Variants in LYZL2 observed in about 807,000 individuals in gnomAD.
The protein encoded by LYZL2 is lysozyme-like protein 2.
LYZL2 carries 13 observed loss-of-function variants against 17.1 expected under a neutral mutation model. The observed-to-expected ratio is 0.76, with a 90% CI of 0.49 to 1.21. The LOEUF (loss-of-function observed/expected upper bound fraction) is 1.21. LYZL2 is among the 50% of genes most tolerant of loss of function. The pLI, the probability that LYZL2 is intolerant of heterozygous loss-of-function variation, is 0.00. For missense variants in LYZL2, 166 were observed against 189.2 expected (o/e 0.88, Z 0.72); for synonymous variants, 63 against 74.4 (o/e 0.85, Z 0.79).
intron 1 of LYZL2, among the ~76,000 whole-genome samples, chr10:30,628,089 G>A (rs970044014): frequency 6.6e-6 from 1 of 152,136 alleles, no homozygotes; most frequent in Non-Finnish European, 1.5e-5. Context: ...GAACCCAGGA[G>A]GCTGAGCTTG....
chr10:30,628,066 A>G (rs957870053), intron 1 of LYZL2, among the ~76,000 whole-genome samples: 12 of 152,174 alleles, frequency 7.9e-5, no homozygotes, highest in African/African-American at 2.4e-4. Flanking sequence ...AGGCTGAGGC[A>G]GGAGAATGGC....
Position 30,629,698 on chromosome 10 carries a change from T to A in LYZL2, c.-131A>T. ...CGGTGACAGGCAGCTCAGGGGAGCG[T>A]CCTGCATCCCCTGAAGCCATGTCTG... On this transcript the variant is annotated 5_prime_UTR_variant, in exon 1 of 5. Transcript: ENST00000647634. 6.2e-7 allele frequency: 1 copy of A among 1,611,628 alleles called. No individual in the cohort carries two copies. Among genetic ancestry groups the A allele is most frequent in the African/African-American group, 1.3e-5 (1 of 74,992 alleles).
intron 3 of LYZL2, among the ~76,000 whole-genome samples, chr10:30,619,378 G>T (rs1053008967): frequency 1.3e-5 from 2 of 152,102 alleles, no homozygotes; most frequent in Non-Finnish European, 2.9e-5. Context: ...ACATGCACAC[G>T]TATGTTTATT....
chr10:30,619,073 A>G (rs1435154293), intron 3 of LYZL2, among the ~76,000 whole-genome samples: 2 of 152,284 alleles, frequency 1.3e-5, no homozygotes, highest in African/African-American at 4.8e-5. Flanking sequence ...GACACATGAA[A>G]AAATGCTCAT....
chr10:30,611,583 G>GAA (rs1307133711), downstream of LYZL2, among the ~76,000 whole-genome samples: 360 of 114,356 alleles, frequency 3.1e-3, 1 homozygote, highest in African/African-American at 0.013. Context: ...AAGAAAGAAA[G>GAA]AAAGAAAGAA....
downstream of LYZL2, among the ~76,000 whole-genome samples, chr10:30,610,033 T>A (rs182334469): frequency 4.1e-4 from 62 of 152,240 alleles, no homozygotes; most frequent in African/African-American, 1.4e-3. Context: ...GGGTATCCAA[T>A]CTTTTGACTT....
downstream of LYZL2, among the ~76,000 whole-genome samples, chr10:30,609,588 C>G (rs76795722): frequency 3.7e-3 from 568 of 152,278 alleles, 2 homozygotes; most frequent in African/African-American, 0.012. Flanking sequence ...AGAGCTGAGT[C>G]CCCACAGAAA....
intron 3 of LYZL2, among the ~76,000 whole-genome samples, chr10:30,615,594 T>A (rs539741405): frequency 2.0e-5 from 3 of 152,330 alleles, no homozygotes; most frequent in African/African-American, 7.2e-5. Flanking sequence ...TGTGAGGTAA[T>A]GTTAAACTCA....
At chr10:30,618,662 T>C (rs565927791) in intron 3 of LYZL2, among the ~76,000 whole-genome samples, 64 of 152,326 alleles carry the variant, frequency 4.2e-4, no homozygotes, top group African/African-American at 1.4e-3. Context: ...TTACACCTTA[T>C]ACAAAAATTA....
intron 3 of LYZL2, among the ~76,000 whole-genome samples, chr10:30,622,706 A>T (rs1838644652): frequency 6.6e-6 from 1 of 152,218 alleles, no homozygotes; most frequent in African/African-American, 2.4e-5. Flanking sequence ...ATTCATTTAT[A>T]TACTTTCTAT....
chr10:30,616,190 T>A (rs567341564), intron 3 of LYZL2, among the ~76,000 whole-genome samples: 9 of 152,334 alleles, frequency 5.9e-5, no homozygotes, highest in African/African-American at 2.2e-4. Context: ...CACTAGAAGA[T>A]AAACGTAGTG....
rs1564410277 is a variant in LYZL2 at position 30,626,157 on chromosome 10, C to T, written c.246G>A (p.Trp82Ter). Residue 82 changes from tryptophan (W) to a stop codon, truncating the protein, a stop_gained, in exon 3 of 5, where the codon TGG (tryptophan) becomes TGA (stop). Transcript: ENST00000647634. LOFTEE classifies it high-confidence loss of function. ...TCTCCTTCAGCTTTCCGCGTCTGCA[C>T]CACGCGAAGCTGTTGATCTGGAAGA... ...YGIFQINSFA[W>*]CRRGKLKENN... The T allele has an allele frequency of 1.2e-6, 2 of 1,614,144 alleles. No individual in the cohort carries two copies. The highest frequency in any genetic ancestry group is 1.7e-6 in the Non-Finnish European group (2 of 1,180,062).
chr10:30,613,225 G>T (rs78057531), intron 3 of LYZL2, among the ~76,000 whole-genome samples: 1 of 152,128 alleles, frequency 6.6e-6, no homozygotes, highest in Admixed American at 6.5e-5. Flanking sequence ...CAGGCCGGGC[G>T]TGGTGGCTGA....
downstream of LYZL2, among the ~76,000 whole-genome samples, chr10:30,609,223 T>G (rs866174891): frequency 3.9e-5 from 6 of 152,178 alleles, no homozygotes; most frequent in African/African-American, 1.4e-4. Context: ...AAAGACATGG[T>G]CTAGGCCTCA....
chr10:30,610,566 G>A (rs1838420065), downstream of LYZL2, among the ~76,000 whole-genome samples: 1 of 152,092 alleles, frequency 6.6e-6, no homozygotes, highest in Non-Finnish European at 1.5e-5. Context: ...AAAGGAGACG[G>A]AGAGCATTAG....
At chr10:30,617,560 A>G (rs990463522) in intron 3 of LYZL2, among the ~76,000 whole-genome samples, 1 of 151,166 alleles carries the variant, frequency 6.6e-6, no homozygotes, top group Non-Finnish European at 1.5e-5. Flanking sequence ...CTGTAATCCC[A>G]GCTACTCCAG....
intron 3 of LYZL2, among the ~76,000 whole-genome samples, chr10:30,623,165 G>C (rs1270958013): frequency 6.6e-6 from 1 of 151,946 alleles, no homozygotes; most frequent in Admixed American, 6.6e-5. Context: ...GAGACTGAAA[G>C]GTGAAATAGA....
Position 30,612,038 on chromosome 10 carries a change from G to C in LYZL2, c.378-14C>G. 6.2e-7 allele frequency: 1 copy of C among 1,613,454 alleles called. No individual in the cohort carries two copies. Among genetic ancestry groups the C allele is most frequent in the Non-Finnish European group, 8.5e-7 (1 of 1,179,566 alleles). ...TTCCAGCCTTGCCTGAGGACGAGAG[G>C]GAAGCAAGAGCAGCAGAAAGAAGCG... On this transcript the variant is annotated splice_polypyrimidine_tract_variant and intron_variant, in intron 4 of 4. Coordinates refer to ENST00000647634, the MANE Select transcript of LYZL2 (RefSeq NM_183058.3).
intron 1 of LYZL2, among the ~76,000 whole-genome samples, chr10:30,627,339 C>T (rs1191214042): frequency 2.0e-5 from 3 of 151,600 alleles, no homozygotes; most frequent in African/African-American, 7.3e-5. Flanking sequence ...TGCGTGGGTC[C>T]ATTTATCCGT....
Sources: allele counts gnomAD v4.1 joint callset (sites outside exome capture counted in the v4.1 genomes callset), GRCh38; gene constraint gnomAD v4.1.1; transcripts MANE v1.5; gene names NCBI Gene and HGNC (gene_info 2026-07-23, HGNC 2026-07-21).